TNFRSF10D: variants seen among roughly 807,000 people sequenced by gnomAD.
TNFRSF10D encodes TNF receptor superfamily member 10d, also known as tumor necrosis factor receptor superfamily member 10D.
A neutral mutation model predicts 42.1 loss-of-function variants in TNFRSF10D; 28 were observed. The observed-to-expected ratio is 0.66, with a 90% confidence interval of 0.49 to 0.91. The LOEUF is 0.91. TNFRSF10D is among the 40% of genes least tolerant of loss of function. TNFRSF10D has a pLI of 0.00. For synonymous variants in TNFRSF10D, 186 were observed against 189.4 expected (o/e 0.98, Z 0.15); for missense variants, 503 against 486.1 (o/e 1.03, Z -0.33).
chr8:23,155,815 T>TCTCTC (rs1800270722), intron 1 of TNFRSF10D, among the ~76,000 whole-genome samples: 1 of 150,158 alleles, frequency 6.7e-6, no homozygotes, highest in East Asian at 2.0e-4. Context: ...TGGGTGAATA[T>TCTCTC]TCTCTCTCTC....
At chr8:23,156,676 A>G (rs1245841985) in intron 1 of TNFRSF10D, among the ~76,000 whole-genome samples, 532 of 150,948 alleles carry the variant, frequency 3.5e-3, no homozygotes, top group African/African-American at 0.011. Flanking sequence ...GTGGTCCTCC[A>G]ACCTCAGTCC....
At chr8:23,143,573 G>A (rs1800064636) in intron 7 of TNFRSF10D, among the ~76,000 whole-genome samples, 1 of 152,028 alleles carries the variant, frequency 6.6e-6, no homozygotes. Context: ...AAAAAATGGG[G>A]TATAGTTATA....
chr8:23,141,766 G>A lies in TNFRSF10D; in HGVS notation c.954+2684C>T, dbSNP rs185642603. On this transcript the variant is annotated intron_variant, in intron 7 of 8. Transcript: ENST00000312584. The stretch of plus-strand genomic sequence containing the variant: ...AGAAATGCAAATCAAAACTACAGTG[G>A]GATACCATCTCATACAGTGAGAATG... 4.0e-3 allele frequency among the ~76,000 whole-genome samples: 603 copies of A among 151,500 alleles called. 2 individuals are homozygous for A. Among genetic ancestry groups the A allele is most frequent in the South Asian group, 0.015 (73 of 4,814 alleles).
At chr8:23,151,785 C>G (rs1176242784) in intron 2 of TNFRSF10D, among the ~76,000 whole-genome samples, 1 of 152,176 alleles carries the variant, frequency 6.6e-6, no homozygotes, top group African/African-American at 2.4e-5. Context: ...AAGAAACTAT[C>G]TGAAAAATCC....
chr8:23,144,693 C>T, intron 6 of TNFRSF10D, 58 bp from the exon 7 acceptor site: 1 of 1,566,122 alleles, frequency 6.4e-7, no homozygotes, highest in Non-Finnish European at 8.7e-7. Context: ...TCAGGGTCCC[C>T]AGTACACAGC....
chr8:23,162,903 A>G (rs1800392499), intron 1 of TNFRSF10D, among the ~76,000 whole-genome samples: 1 of 151,252 alleles, frequency 6.6e-6, no homozygotes, highest in Non-Finnish European at 1.5e-5. Context: ...GTGTAAACAT[A>G]GGGTTAATTT....
chr8:23,146,005 A>C (rs555229014), intron 4 of TNFRSF10D, 84 bp from the exon 5 acceptor site: 3 of 1,596,114 alleles, frequency 1.9e-6, no homozygotes, highest in Non-Finnish European at 2.6e-6. Flanking sequence ...CTCCCTGCCC[A>C]AAGTCCCTGA....
chr8:23,147,948 A>G (rs903645538), intron 3 of TNFRSF10D, among the ~76,000 whole-genome samples: 1 of 151,488 alleles, frequency 6.6e-6, no homozygotes, highest in African/African-American at 2.4e-5. Flanking sequence ...ACCTGTAGTC[A>G]TAGCTACTCA....
chr8:23,149,546 C>CT lies in TNFRSF10D; in HGVS notation c.257-996dup, dbSNP rs557713767. On this transcript the variant is annotated intron_variant, in intron 2 of 8. Transcript: ENST00000312584. ...GAGCCACCATGCCACGCCCAGTCTA[C>CT]TTTTTTTTTTTTTTAACAATAAAAT... Among the ~76,000 whole-genome samples the CT allele has an allele frequency of 9.2e-3, 1,308 of 142,930 alleles. 11 individuals are homozygous for CT. The highest frequency in any genetic ancestry group is 0.026 in the African/African-American group (993 of 38,594). 93.8% of individuals were successfully genotyped at this position (142,930 alleles called of 152,430 possible).
chr8:23,163,970 A>C lies in TNFRSF10D; in HGVS notation c.-35T>G, dbSNP rs61760053. 4 of 1,526,898 alleles carry C rather than the reference A, an allele frequency of 2.6e-6. No homozygotes were observed. In the South Asian group the frequency reaches 3.7e-5, roughly 14 times the overall value. 94.6% of individuals were successfully genotyped at this position (1,526,898 alleles called of 1,614,324 possible). On this transcript the variant is annotated 5_prime_UTR_variant, in exon 1 of 9. Coordinates refer to ENST00000312584, the MANE Select transcript of TNFRSF10D (RefSeq NM_003840.5). ...GGAGGGTGGATCGAAAGCGCCAAAAATCAATCAGAAATCGTCCCCGTAGTT... is the reference window on the plus strand; with the variant it reads ...GGAGGGTGGATCGAAAGCGCCAAAACTCAATCAGAAATCGTCCCCGTAGTT...
intron 7 of TNFRSF10D, among the ~76,000 whole-genome samples, chr8:23,142,144 G>A (rs920803995): frequency 1.3e-5 from 2 of 152,084 alleles, no homozygotes; most frequent in Admixed American, 1.3e-4. Flanking sequence ...GGTGGCACAT[G>A]CCTGTAATCC....
chr8:23,138,242 C>G lies in TNFRSF10D; in HGVS notation c.973G>C (p.Gly325Arg), dbSNP rs770255486. ...QRLLEQAEAE[G>R]CQRRRLLVPV... is the part of the protein sequence containing the mutation. ...ACCAGCAGCCTCCTCCTCTGACACC[C>G]TTCAGCTTCTGCCTGTTCCTGTAAC... The change falls in exon 8 of 9, where the codon GGG becomes CGG. Residue 325 changes from glycine (G) to arginine (R), a missense_variant. Gly to Arg is a moderately radical substitution (Grantham distance 125). Transcript: ENST00000312584. 6.2e-7 allele frequency: 1 copy of G among 1,614,114 alleles called. No homozygotes were observed. Among genetic ancestry groups the G allele is most frequent in the African/African-American group, 1.3e-5 (1 of 74,936 alleles).
rs71546853 is a variant in TNFRSF10D, at chr8:23,140,375, GACACACACACACACAC to G, written c.955-2131_955-2116del. Among the ~76,000 whole-genome samples, 186 of 145,480 alleles carry G rather than the reference GACACACACACACACAC, an allele frequency of 1.3e-3. 1 individual carries two copies. The highest frequency in any genetic ancestry group is 4.0e-3 in the African/African-American group (161 of 39,872). The stretch of plus-strand genomic sequence containing the variant: ...CAATAACACAATCCCATTTACAACA[GACACACACACACACAC>G]ACACACACACACACACACACACACA... On this transcript the variant is annotated intron_variant, in intron 7 of 8. Transcript: ENST00000312584.
intron 1 of TNFRSF10D, among the ~76,000 whole-genome samples, chr8:23,160,127 T>C (rs1266143327): frequency 6.6e-6 from 1 of 152,198 alleles, no homozygotes; most frequent in Admixed American, 6.5e-5. Flanking sequence ...ATTAGTTATA[T>C]GATTCCTGGT....
At chr8:23,147,455 A>C (rs1306248671) in intron 3 of TNFRSF10D, among the ~76,000 whole-genome samples, 1 of 152,204 alleles carries the variant, frequency 6.6e-6, no homozygotes, top group Non-Finnish European at 1.5e-5. Context: ...AAGTGAGGCC[A>C]AGCACCTTTC....
At chr8:23,149,271 C>G (rs568479957) in intron 2 of TNFRSF10D, among the ~76,000 whole-genome samples, 1 of 151,282 alleles carries the variant, frequency 6.6e-6, no homozygotes, top group African/African-American at 2.4e-5. Context: ...GAGTTTCACT[C>G]TTGTCACCCA....
chr8:23,143,788 A>G (rs1400134381), intron 7 of TNFRSF10D, among the ~76,000 whole-genome samples: 1 of 152,230 alleles, frequency 6.6e-6, no homozygotes, highest in Non-Finnish European at 1.5e-5. Context: ...CCACTGGTGT[A>G]TGCTACAAAC....
chr8:23,163,598 C>A (rs775994092), intron 1 of TNFRSF10D, among the ~76,000 whole-genome samples, 188 bp downstream of exon 1: 1 of 152,146 alleles, frequency 6.6e-6, no homozygotes, highest in Non-Finnish European at 1.5e-5. Context: ...TCCCTCGCGG[C>A]CCGGTCGCTC....
chr8:23,163,128 T>C (rs1203106746), intron 1 of TNFRSF10D, among the ~76,000 whole-genome samples: 1 of 115,848 alleles, frequency 8.6e-6, no homozygotes, highest in Non-Finnish European at 1.6e-5. Flanking sequence ...AGACGGAGTC[T>C]CGCTCTTGTT....
Sources: allele counts gnomAD v4.1 joint callset (sites outside exome capture counted in the v4.1 genomes callset), GRCh38; gene constraint gnomAD v4.1.1; transcripts MANE v1.5; gene names NCBI Gene and HGNC (gene_info 2026-07-23, HGNC 2026-07-21).